Variants in USP12 observed in about 807,000 individuals in gnomAD.
USP12 encodes ubiquitin carboxyl-terminal hydrolase 12.
A neutral mutation model predicts 45.5 loss-of-function variants in USP12; 19 were observed. The observed-to-expected ratio is 0.42, with a 90% CI of 0.29 to 0.61. The LOEUF (loss-of-function observed/expected upper bound fraction) is 0.61. USP12 is among the 20% of genes least tolerant of loss of function. The probability of loss-of-function intolerance (pLI) is 0.22; values close to 1 mark genes in which losing one functional copy is unlikely to be tolerated. For synonymous variants in USP12, 149 were observed against 148.8 expected, an observed-to-expected ratio of 1.00 and a Z score of -0.01; for missense variants, 242 against 447.7, an observed-to-expected ratio of 0.54 and a Z score of 4.15.
chr13:27,100,157 AGACCAC>A (rs1874801361), intron 3 of USP12, among the ~76,000 whole-genome samples: 1 of 152,224 alleles, frequency 6.6e-6, no homozygotes, highest in Admixed American at 6.5e-5. Flanking sequence ...GGAAAAGTCT[AGACCAC>A]AGCTAAGCTA....
At chr13:27,082,620 C>T (rs1289808990) in intron 6 of USP12, among the ~76,000 whole-genome samples, 2 of 152,198 alleles carry the variant, frequency 1.3e-5, no homozygotes, top group Non-Finnish European at 2.9e-5. Flanking sequence ...TTCAACGTGC[C>T]CTATTCATTA....
intron 1 of USP12, among the ~76,000 whole-genome samples, chr13:27,126,615 T>C (rs1876249718): frequency 6.6e-6 from 1 of 152,146 alleles, no homozygotes; most frequent in Non-Finnish European, 1.5e-5. Context: ...GTCCCCATTC[T>C]AATATAAACT....
chr13:27,075,550 CA>C (rs768195817), intron 6 of USP12, among the ~76,000 whole-genome samples, 162 bp from the exon 7 acceptor site: 42 of 152,160 alleles, frequency 2.8e-4, no homozygotes, highest in Non-Finnish European at 5.1e-4. Flanking sequence ...TTTATACTGA[CA>C]AAACAACATT....
intron 1 of USP12, among the ~76,000 whole-genome samples, chr13:27,132,163 T>C (rs887435954): frequency 3.9e-5 from 6 of 152,188 alleles, no homozygotes; most frequent in African/African-American, 1.4e-4. Flanking sequence ...ACTCATATAT[T>C]CAGGGATTAT....
intron 1 of USP12, among the ~76,000 whole-genome samples, chr13:27,148,238 GT>G (rs1877399256): frequency 6.6e-6 from 1 of 152,122 alleles, no homozygotes; most frequent in African/African-American, 2.4e-5. Flanking sequence ...AGAAGCAAGT[GT>G]TCTCAAACAG....
chr13:27,079,538 C>T (rs562554256), intron 6 of USP12, among the ~76,000 whole-genome samples: 1 of 152,266 alleles, frequency 6.6e-6, no homozygotes, highest in East Asian at 1.9e-4. Context: ...ACATTGCCTG[C>T]AACCACCCTC....
At position 27,090,195 on chromosome 13, in the gene USP12, T is replaced by C. The variant is rs1281024195; in HGVS notation, c.574-37A>G. The C allele has an allele frequency of 3.3e-6, 5 of 1,524,786 alleles. No homozygotes were observed. The South Asian group carries it at 4.8e-5, about 15-fold the overall frequency. 94.5% of individuals were successfully genotyped at this position (1,524,786 alleles called of 1,614,324 possible). Reference sequence around the variant, plus strand: ...GTGAATTGTCTTTGATTTTTTCAAATACTAGTAAACCACAGTTCCCAATTA... The same window carrying C: ...GTGAATTGTCTTTGATTTTTTCAAACACTAGTAAACCACAGTTCCCAATTA... On this transcript the variant is annotated intron_variant, in intron 4 of 8. Coordinates refer to ENST00000282344, the MANE Select transcript of USP12 (RefSeq NM_182488.4).
chr13:27,120,922 TG>T, intron 1 of USP12, among the ~76,000 whole-genome samples: 1 of 152,222 alleles, frequency 6.6e-6, no homozygotes, highest in Non-Finnish European at 1.5e-5. Context: ...ACAAAAGTGA[TG>T]GGGGAACTAC....
At chr13:27,073,911 G>A (rs1423475730) in intron 7 of USP12, among the ~76,000 whole-genome samples, 2 of 152,118 alleles carry the variant, frequency 1.3e-5, no homozygotes, top group African/African-American at 2.4e-5. Context: ...CTGAAAACCC[G>A]GTCTGAATCA....
At chr13:27,079,219 C>CGGGGGGGGGGGG (rs1363080913) in intron 6 of USP12, among the ~76,000 whole-genome samples, 1 of 14,320 alleles carries the variant, frequency 7.0e-5, no homozygotes, top group Non-Finnish European at 1.5e-4. Flanking sequence ...CTGTGTGGGG[C>CGGGGGGGGGGGG]GGGGGGGAGT....
rs115817668 is a variant in USP12, at chr13:27,092,137, T to C, written c.574-1979A>G. Among the ~76,000 whole-genome samples, 1,089 of 152,268 alleles carry C rather than the reference T, an allele frequency of 7.2e-3. 12 individuals are homozygous for C. Among genetic ancestry groups the C allele is most frequent in the East Asian group, 0.029 (149 of 5,182 alleles). Reference sequence around the variant, plus strand: ...GGTGCTTAGCACCCCCCAAAATGAATACTTAAATATAAATCTAACAAAACA... The same window carrying C: ...GGTGCTTAGCACCCCCCAAAATGAACACTTAAATATAAATCTAACAAAACA... On this transcript the variant is annotated intron_variant, in intron 4 of 8. Coordinates refer to ENST00000282344, the MANE Select transcript of USP12 (RefSeq NM_182488.4).
chr13:27,073,466 G>A (rs1395211905), intron 7 of USP12, among the ~76,000 whole-genome samples: 1 of 152,186 alleles, frequency 6.6e-6, no homozygotes, highest in Non-Finnish European at 1.5e-5. Context: ...GTTAAAAAGG[G>A]AAAGGGTCAA....
intron 1 of USP12, among the ~76,000 whole-genome samples, chr13:27,153,409 A>G (rs73159785): frequency 0.073 from 11,111 of 152,316 alleles, 532 homozygotes; most frequent in African/African-American, 0.12. Context: ...ACATATGCAT[A>G]CAAAAACATA....
At chr13:27,074,764 A>C (rs958968915) in intron 7 of USP12, among the ~76,000 whole-genome samples, 3 of 152,246 alleles carry the variant, frequency 2.0e-5, no homozygotes, top group Non-Finnish European at 4.4e-5. Flanking sequence ...ATAAATACAC[A>C]CACAGGTAAA....
chr13:27,133,908 G>C (rs922747611), intron 1 of USP12, among the ~76,000 whole-genome samples: 2 of 152,202 alleles, frequency 1.3e-5, no homozygotes, highest in African/African-American at 4.8e-5. Context: ...AAGGCAATAG[G>C]ATCACGTGAG....
intron 1 of USP12, among the ~76,000 whole-genome samples, chr13:27,138,298 T>C (rs1198482430): frequency 6.6e-6 from 1 of 152,206 alleles, no homozygotes; most frequent in Non-Finnish European, 1.5e-5. Flanking sequence ...AGAAAGAGGC[T>C]AACAAATCCA....
At chr13:27,142,890 C>T (rs374588587) in intron 1 of USP12, among the ~76,000 whole-genome samples, 3 of 151,992 alleles carry the variant, frequency 2.0e-5, no homozygotes, top group East Asian at 1.9e-4. Context: ...GTCAGGAGAT[C>T]GAGACCATCC....
Position 27,171,702 on chromosome 13 carries a change from G to T in USP12, c.-63C>A, listed in dbSNP as rs1398910932. On this transcript the variant is annotated 5_prime_UTR_variant, in exon 1 of 9. Transcript: ENST00000282344. Reference sequence around the variant, plus strand: ...CGGCGGGCGGGGGAGGAGGGGAGCCGGGCCGCCCGCTCGCACCGCAGCCCG... The same window carrying T: ...CGGCGGGCGGGGGAGGAGGGGAGCCTGGCCGCCCGCTCGCACCGCAGCCCG... The T allele has an allele frequency of 5.6e-6, 6 of 1,079,498 alleles. No individual in the cohort carries two copies. In the African/African-American group the frequency reaches 8.6e-5, roughly 16 times the overall value. 66.9% of individuals were successfully genotyped at this position (1,079,498 alleles called of 1,614,324 possible). A position where few individuals can be genotyped will look rare whatever the true frequency, so the allele number is the denominator to read the frequency against.
At chr13:27,071,251 G>T in intron 7 of USP12, 102 bp from the exon 8 acceptor site, 1 of 1,011,328 alleles carries the variant, frequency 9.9e-7, no homozygotes. Context: ...ATAAATAGCA[G>T]TAAAAAAGAA....
Sources: gnomAD v4.1 joint callset for allele counts (sites outside exome capture counted in the v4.1 genomes callset) on GRCh38, gnomAD v4.1.1 for gene constraint, MANE v1.5 for transcripts, NCBI Gene and HGNC (gene_info 2026-07-23, HGNC 2026-07-21) for gene names.